HECW1: variants seen among roughly 807,000 people sequenced by gnomAD.
HECW1 encodes E3 ubiquitin-protein ligase HECW1.
In HECW1, 61 loss-of-function variants were observed where a neutral mutation model predicts 182.3. The observed-to-expected ratio is 0.33, with a 90% CI of 0.27 to 0.41. The LOEUF is 0.41. Ranked by LOEUF, HECW1 falls within the 10% of genes least tolerant of loss-of-function variation. The pLI is 1.00. For missense variants in HECW1, 1,739 were observed against 2,108.9 expected, an observed-to-expected ratio of 0.82 and a Z score of 3.44; for synonymous variants, 859 against 832.6, an observed-to-expected ratio of 1.03 and a Z score of -0.55.
At chr7:43,293,077 G>A (rs914691817) in intron 3 of HECW1, among the ~76,000 whole-genome samples, 14 of 151,926 alleles carry the variant, frequency 9.2e-5, no homozygotes, top group Admixed American at 1.3e-4. Context: ...AGAATTAGCC[G>A]GGCGTGGTGG....
intron 2 of HECW1, among the ~76,000 whole-genome samples, chr7:43,131,274 T>A (rs543253867): frequency 1.1e-4 from 17 of 151,942 alleles, no homozygotes; most frequent in East Asian, 1.9e-4. Context: ...CAAAAAAAAA[T>A]TTTTTTTGTA....
intron 2 of HECW1, among the ~76,000 whole-genome samples, chr7:43,199,898 G>A (rs1399819303): frequency 1.3e-5 from 2 of 152,048 alleles, no homozygotes; most frequent in Non-Finnish European, 1.5e-5. Context: ...TAATTTCACT[G>A]TTGTAAGTAC....
chr7:43,365,873 C>T (rs914721778), intron 6 of HECW1, among the ~76,000 whole-genome samples: 1 of 152,156 alleles, frequency 6.6e-6, no homozygotes, highest in Non-Finnish European at 1.5e-5. Flanking sequence ...GTGAGTGTAT[C>T]ACATGTGGCC....
intron 2 of HECW1, among the ~76,000 whole-genome samples, chr7:43,206,418 T>C (rs781363312): frequency 2.0e-5 from 3 of 152,226 alleles, no homozygotes; most frequent in Non-Finnish European, 2.9e-5. Flanking sequence ...TCTTTTATTT[T>C]TTGTCTCTTC....
chr7:43,227,238 T>C (rs1415130355), intron 2 of HECW1, among the ~76,000 whole-genome samples: 2 of 152,184 alleles, frequency 1.3e-5, no homozygotes, highest in East Asian at 1.9e-4. Flanking sequence ...TGAAATAATA[T>C]GTGAAGCAAA....
chr7:43,130,960 T>C (rs1786851709), intron 2 of HECW1, among the ~76,000 whole-genome samples: 1 of 152,206 alleles, frequency 6.6e-6, no homozygotes, highest in South Asian at 2.1e-4. Context: ...CTTTACTGTA[T>C]GTTTTATGTA....
chr7:43,564,272 CTCTT>C lies in HECW1; in HGVS notation c.*2350_*2353del, dbSNP rs1278628372. ...GTAAATACTCATTAATTCAAGCACT[CTCTT>C]TCTAGTACTCACATTATTTGTCAGG... On this transcript the variant is annotated 3_prime_UTR_variant, in exon 30 of 30. Coordinates refer to ENST00000395891, the MANE Select transcript of HECW1 (RefSeq NM_015052.5). 1 of 189,662 alleles carries C rather than the reference CTCTT, an allele frequency of 5.3e-6. No homozygotes were observed. Among genetic ancestry groups the C allele is most frequent in the African/African-American group, 2.3e-5 (1 of 42,942 alleles). The allele number at this position is 189,662 out of a possible 1,614,324, so 11.7% of individuals were successfully genotyped here. A position where few individuals can be genotyped will look rare whatever the true frequency, so the allele number is the denominator to read the frequency against.
intron 12 of HECW1, among the ~76,000 whole-genome samples, chr7:43,451,270 T>C (rs2077226903): frequency 6.6e-6 from 1 of 152,248 alleles, no homozygotes; most frequent in African/African-American, 2.4e-5. Flanking sequence ...ATATTTAAAA[T>C]TTGCAGTTCA....
At chr7:43,237,258 C>T (rs567086742) in intron 2 of HECW1, among the ~76,000 whole-genome samples, 1 of 152,238 alleles carries the variant, frequency 6.6e-6, no homozygotes, top group East Asian at 1.9e-4. Flanking sequence ...ACATTGCTGC[C>T]AGTGTCTTAA....
At chr7:43,507,381 A>G in intron 22 of HECW1, 124 bp downstream of exon 22, 1 of 903,266 alleles carries the variant, frequency 1.1e-6, no homozygotes, top group Non-Finnish European at 1.6e-6. Flanking sequence ...TATGGTCTGA[A>G]GCGGGGGAAG....
chr7:43,176,418 A>G (rs1792253937), intron 2 of HECW1, among the ~76,000 whole-genome samples: 1 of 152,232 alleles, frequency 6.6e-6, no homozygotes, highest in Non-Finnish European at 1.5e-5. Context: ...TGAACATCTA[A>G]GACTGGGTAA....
chr7:43,154,724 G>A (rs568080679), intron 2 of HECW1, among the ~76,000 whole-genome samples: 15 of 152,304 alleles, frequency 9.8e-5, no homozygotes, highest in East Asian at 3.9e-4. Context: ...GCCACACTGC[G>A]CTGTTTCTGC....
At chr7:43,305,483 C>T (rs1329483980) in intron 3 of HECW1, among the ~76,000 whole-genome samples, 1 of 152,118 alleles carries the variant, frequency 6.6e-6, no homozygotes, top group Non-Finnish European at 1.5e-5. Context: ...TAAACAGGCT[C>T]AAATCCCCAT....
intron 5 of HECW1, among the ~76,000 whole-genome samples, chr7:43,348,244 G>A (rs1813945602): frequency 6.6e-6 from 1 of 152,026 alleles, no homozygotes; most frequent in Non-Finnish European, 1.5e-5. Context: ...AAGCTAAGAG[G>A]GCTGTATTTT....
intron 3 of HECW1, chr7:43,274,273 G>A (rs963789605): frequency 1.3e-5 from 13 of 1,000,642 alleles, no homozygotes; most frequent in South Asian, 1.2e-4. Context: ...AAATCATGTC[G>A]TCGCCAAGTC....
At position 43,391,144 on chromosome 7, in the gene HECW1, C is replaced by T. The variant is rs1204615437; in HGVS notation, c.556-5670C>T. On this transcript the variant is annotated intron_variant, in intron 6 of 29. Coordinates refer to ENST00000395891, the MANE Select transcript of HECW1 (RefSeq NM_015052.5). ...TACTGAGGCTCCAGAAGAAGGTCTT[C>T]AGGACTCAGACCTTAGTCATAGATT... is the stretch of plus-strand genomic sequence containing the variant. Among the ~76,000 whole-genome samples, 4 of 152,288 alleles carry T rather than the reference C, an allele frequency of 2.6e-5. No homozygotes were observed. The East Asian group carries it at 7.7e-4, about 29-fold the overall frequency.
intron 2 of HECW1, among the ~76,000 whole-genome samples, chr7:43,158,680 C>G (rs780941922): frequency 6.6e-6 from 1 of 152,202 alleles, no homozygotes; most frequent in Non-Finnish European, 1.5e-5. Context: ...ATCCCCTCCC[C>G]CTTTCCATCT....
At chr7:43,429,861 G>A (rs535192382) in intron 8 of HECW1, among the ~76,000 whole-genome samples, 25 of 152,114 alleles carry the variant, frequency 1.6e-4, no homozygotes, top group Admixed American at 7.8e-4. Context: ...TTTATATCTC[G>A]CTGCAAGAGA....
chr7:43,487,115 T>G (rs1042406883), intron 17 of HECW1, among the ~76,000 whole-genome samples: 3 of 152,250 alleles, frequency 2.0e-5, no homozygotes, highest in Non-Finnish European at 4.4e-5. Flanking sequence ...AATTCGTCCT[T>G]TGAGCCCTTC....
Sources: gnomAD v4.1 joint callset for allele counts (sites outside exome capture counted in the v4.1 genomes callset) on GRCh38, gnomAD v4.1.1 for gene constraint, MANE v1.5 for transcripts, NCBI Gene and HGNC (gene_info 2026-07-23, HGNC 2026-07-21) for gene names.